The following PKD1L3 variants were observed in gnomAD, a reference collection of about 807,000 sequenced individuals.
PKD1L3 encodes the protein polycystin-1-like protein 3.
PKD1L3 carries 239 observed loss-of-function variants against 184.1 expected under a neutral mutation model. The observed-to-expected ratio is 1.30, with a 90% CI of 1.17 to 1.45. The LOEUF is 1.45. PKD1L3 is among the 40% of genes most tolerant of loss of function. PKD1L3 has a pLI of 0.00. For synonymous variants in PKD1L3, 996 were observed against 778.8 expected, an observed-to-expected ratio of 1.28 and a Z score of -4.64; for missense variants, 2,660 against 2,067.2, an observed-to-expected ratio of 1.29 and a Z score of -5.56.
chr16:71,974,120 CAGAT>C (rs1197191661), intron 11 of PKD1L3, among the ~76,000 whole-genome samples: 1 of 152,066 alleles, frequency 6.6e-6, no homozygotes. Context: ...TCTAAGTTAG[CAGAT>C]AGAAGACTAA....
At chr16:71,972,415 C>G (rs188423121) in intron 12 of PKD1L3, among the ~76,000 whole-genome samples, 1,730 of 151,664 alleles carry the variant, frequency 0.011, 15 homozygotes, top group Non-Finnish European at 0.018. Flanking sequence ...TAATCATCAT[C>G]ATCCTCCTCC....
At chr16:71,946,150 G>T (rs2038595711) in intron 22 of PKD1L3, among the ~76,000 whole-genome samples, 1 of 152,094 alleles carries the variant, frequency 6.6e-6, no homozygotes, top group Non-Finnish European at 1.5e-5. Context: ...TAGAGACAGG[G>T]TTTCACCATG....
intron 9 of PKD1L3, among the ~76,000 whole-genome samples, 200 bp from the exon 10 acceptor site, chr16:71,978,583 A>G (rs1268307058): frequency 1.4e-5 from 2 of 147,164 alleles, no homozygotes; most frequent in African/African-American, 5.1e-5. Context: ...TCTGTCAATC[A>G]GGATGGAGTG....
chr16:71,929,777 G>A, intron 29 of PKD1L3, 99 bp from the exon 30 acceptor site: 1 of 1,180,616 alleles, frequency 8.5e-7, no homozygotes. Context: ...ATTAGTAAAT[G>A]TAAAGATACT....
At chr16:71,977,564 T>TC in intron 10 of PKD1L3, 97 bp from the exon 11 acceptor site, 2 of 439,236 alleles carry the variant, frequency 4.6e-6, no homozygotes, top group Non-Finnish European at 6.9e-6. Context: ...CTAGCTCTTT[T>TC]TTTTTTTTTT....
Position 71,967,998 on chromosome 16 carries a change from T to G in PKD1L3, c.2194A>C (p.Thr732Pro). The G allele has an allele frequency of 6.4e-7, 1 of 1,551,290 alleles. No individual in the cohort carries two copies. Among genetic ancestry groups the G allele is most frequent in the African/African-American group, 1.4e-5 (1 of 73,154 alleles). Residue 732 changes from threonine (T) to proline (P), a missense_variant, in exon 14 of 30, where the codon ACT becomes CCT. Transcript: ENST00000620267. ...DQADMQKVKVTVLADNDPSAQ... is the reference protein window; with the variant it reads ...DQADMQKVKVPVLADNDPSAQ... ...CTGGGGTCATTATCAGCCAGGACAGTGACCTTCACCTGCAAGAAAAGCAGA... is the reference window on the plus strand; with the variant it reads ...CTGGGGTCATTATCAGCCAGGACAGGGACCTTCACCTGCAAGAAAAGCAGA...
intron 11 of PKD1L3, 40 bp downstream of exon 11, chr16:71,977,196 A>G: frequency 7.0e-7 from 1 of 1,425,074 alleles, no homozygotes. Flanking sequence ...CTAGGCAAAA[A>G]GAAATCAAAG....
At chr16:71,978,491 G>GTC in intron 9 of PKD1L3, 108 bp from the exon 10 acceptor site, 2 of 123,646 alleles carry the variant, frequency 1.6e-5, no homozygotes, top group East Asian at 2.6e-4. Context: ...GTGTGTGTGT[G>GTC]TGTGTATATA....
At chr16:71,962,955 T>C (rs1447768649) in intron 16 of PKD1L3, among the ~76,000 whole-genome samples, 3 of 152,216 alleles carry the variant, frequency 2.0e-5, no homozygotes, top group Non-Finnish European at 2.9e-5. Context: ...TTATAAATGA[T>C]TCTCTAGGTA....
At position 71,972,243 on chromosome 16, in the gene PKD1L3, A is replaced by C. The variant is rs537580272; in HGVS notation, c.1953+1081T>G. Among the ~76,000 whole-genome samples, 9 of 151,022 alleles carry C rather than the reference A, an allele frequency of 6.0e-5. No homozygotes were observed. In the South Asian group the frequency reaches 6.3e-4, roughly 11 times the overall value. On this transcript the variant is annotated intron_variant, in intron 12 of 29. Transcript: ENST00000620267. ...AAAACACACAAAAAAACAAAAAAAAACAATAATTAGCTGGGTGTGGTGGTG... is the reference window on the plus strand; with the variant it reads ...AAAACACACAAAAAAACAAAAAAAACCAATAATTAGCTGGGTGTGGTGGTG...
Position 71,937,334 on chromosome 16 carries a change from T to G in PKD1L3, c.4410A>C (p.Gln1470His). The change falls in exon 25 of 30, where the codon CAA becomes CAC. Residue 1470 changes from glutamine (Q) to histidine (H), a missense_variant. Coordinates refer to ENST00000620267, the MANE Select transcript of PKD1L3 (RefSeq NM_181536.2). The part of the protein sequence containing the change: ...KKGCVWSIIS[Q>H]VIYYLLVCYY... Reference sequence around the variant, plus strand: ...AACAGACCAGTAGATAATAGATGACTTGTGAGATGATAGACCAGACACAGC... The same window carrying G: ...AACAGACCAGTAGATAATAGATGACGTGTGAGATGATAGACCAGACACAGC... The G allele has an allele frequency of 2.6e-6, 4 of 1,551,634 alleles. No individual in the cohort carries two copies. The highest frequency in any genetic ancestry group is 3.5e-6 in the Non-Finnish European group (4 of 1,146,980).
rs900842642 is a variant in PKD1L3 at position 71,929,575 on chromosome 16, A to G, written c.5162T>C (p.Val1721Ala). Residue 1721 changes from valine (V) to alanine (A), a missense_variant, in exon 30 of 30, where the codon GTG becomes GCG. Val to Ala is a moderately conservative substitution (Grantham distance 64). Coordinates refer to ENST00000620267, the MANE Select transcript of PKD1L3 (RefSeq NM_181536.2). Reference protein sequence around the residue: ...TSSEQAATTAVGSDTEVLDEL... With the variant: ...TSSEQAATTAAGSDTEVLDEL... ...ATCTAAAACTTCAGTGTCACTGCCC[A>G]CTGCTGTCGTGGCTGCTTGCTCAGA... 2.6e-5 allele frequency: 41 copies of G among 1,551,418 alleles called. No individual in the cohort carries two copies. The highest frequency in any genetic ancestry group is 3.5e-5 in the Non-Finnish European group (40 of 1,146,942).
At chr16:71,975,957 C>CCTT (rs1555522935) in intron 11 of PKD1L3, among the ~76,000 whole-genome samples, 17 of 24,274 alleles carry the variant, frequency 7.0e-4, no homozygotes, top group South Asian at 3.3e-3. Context: ...TGTTTCTGTT[C>CCTT]TTTTTTTTTT....
intron 4 of PKD1L3, among the ~76,000 whole-genome samples, chr16:71,986,776 G>T (rs990591395): frequency 6.6e-6 from 1 of 152,194 alleles, no homozygotes; most frequent in Non-Finnish European, 1.5e-5. Context: ...AAGTTCCTGC[G>T]CTTGTCGAGC....
At chr16:71,979,437 C>G (rs529100920) in intron 9 of PKD1L3, among the ~76,000 whole-genome samples, 7 of 148,130 alleles carry the variant, frequency 4.7e-5, no homozygotes, top group Non-Finnish European at 7.5e-5. Flanking sequence ...GATTGAGACT[C>G]CATCTCAACA....
chr16:71,978,146 T>C (rs2040000315), intron 10 of PKD1L3, 109 bp downstream of exon 10: 3 of 1,256,952 alleles, frequency 2.4e-6, no homozygotes, highest in Non-Finnish European at 2.2e-6. Flanking sequence ...AACAAAACAA[T>C]GGCACTGCCA....
rs138201045 is a variant in PKD1L3, at chr16:71,965,003, C to T, written c.2466-1652G>A. On this transcript the variant is annotated intron_variant, in intron 15 of 29. Transcript: ENST00000620267. ...CTGGGAGTACAGGCATGAGCCATCACGCCCAGCTAATTTTTGTATTTTTTT... is the reference window on the plus strand; with the variant it reads ...CTGGGAGTACAGGCATGAGCCATCATGCCCAGCTAATTTTTGTATTTTTTT... Among the ~76,000 whole-genome samples the T allele has an allele frequency of 1.4e-3, 216 of 152,052 alleles. 4 individuals are homozygous for T. In the East Asian group the frequency reaches 0.037, roughly 26 times the overall value.
chr16:71,942,727 C>T lies in PKD1L3; in HGVS notation c.4157G>A (p.Cys1386Tyr). ...ACGCCCACAGGTATGGCCGTTATCA[C>T]AAAACGCCAGCTGACCTTCGTCCAC... ...EKVDEGQLAF[C>Y]DNGHTCGRPK... is the part of the protein sequence containing the mutation. The change falls in exon 24 of 30, where the codon TGT becomes TAT. Residue 1386 changes from cysteine to tyrosine, a missense_variant. Coordinates refer to ENST00000620267, the MANE Select transcript of PKD1L3 (RefSeq NM_181536.2). 6.4e-7 allele frequency: 1 copy of T among 1,551,696 alleles called. No individual in the cohort carries two copies. The highest frequency in any genetic ancestry group is 8.7e-7 in the Non-Finnish European group (1 of 1,147,006).
chr16:71,960,233 AAAG>A, intron 16 of PKD1L3, among the ~76,000 whole-genome samples: 1 of 44,362 alleles, frequency 2.3e-5, no homozygotes, highest in Non-Finnish European at 6.5e-5. Context: ...TAGATAAAGG[AAAG>A]AGAATGGATT....
Sources: allele counts gnomAD v4.1 joint callset (sites outside exome capture counted in the v4.1 genomes callset), GRCh38; gene constraint gnomAD v4.1.1; transcripts MANE v1.5; gene names NCBI Gene and HGNC (gene_info 2026-07-23, HGNC 2026-07-21).